The following CCNJ variants were observed in gnomAD, a reference collection of about 807,000 sequenced individuals.
The protein encoded by CCNJ is cyclin-J.
A neutral mutation model predicts 41.4 loss-of-function variants in CCNJ; 12 were observed. The ratio of observed to expected loss-of-function variants is 0.29; its 90% CI spans 0.19 to 0.47. The LOEUF is 0.47. Ranked by LOEUF, CCNJ falls within the 20% of genes least tolerant of loss-of-function variation. The pLI is 1.00. For missense variants in CCNJ, 340 were observed against 464.6 expected (o/e 0.73, Z 2.47); for synonymous variants, 161 against 173.4 (o/e 0.93, Z 0.56).
rs1424546813 is a variant in CCNJ, at chr10:96,058,774, G to C, written c.*533G>C. On this transcript the variant is annotated 3_prime_UTR_variant, in exon 6 of 6. Transcript: ENST00000465148. ...ATGAATTGTTATGCTATACCAATCT[G>C]CAGTAAAAAAAATTTTTTTAGATGA... The C allele has an allele frequency of 3.1e-6, 1 of 323,742 alleles. No homozygotes were observed. Among genetic ancestry groups the C allele is most frequent in the Non-Finnish European group, 5.6e-6 (1 of 180,160 alleles). The allele number at this position is 323,742 out of a possible 1,614,324, so 20.1% of individuals were successfully genotyped here. A position where few individuals can be genotyped will look rare whatever the true frequency, so the allele number is the denominator to read the frequency against.
chr10:96,049,091 G>GGTTTT (rs372962844), intron 2 of CCNJ, among the ~76,000 whole-genome samples: 18 of 152,218 alleles, frequency 1.2e-4, no homozygotes, highest in East Asian at 9.6e-4. Context: ...ATGATTATCT[G>GGTTTT]GTTTTGTTTT....
upstream of CCNJ, chr10:96,043,269 A>C: frequency 4.1e-6 from 1 of 241,008 alleles, no homozygotes. Context: ...CACTGCAGTG[A>C]TCCACCTTAC....
chr10:96,051,055 A>G (rs938672341), intron 3 of CCNJ, among the ~76,000 whole-genome samples: 2 of 152,252 alleles, frequency 1.3e-5, no homozygotes, highest in Non-Finnish European at 2.9e-5. Context: ...ATATTCTTAT[A>G]TTAGAATACT....
At position 96,056,900 on chromosome 10, in the gene CCNJ, C is replaced by G. The variant is rs748980326; in HGVS notation, c.480C>G (p.His160Gln). Residue 160 changes from histidine (H) to glutamine (Q), a missense_variant, in exon 4 of 6, where the codon CAC (histidine) becomes CAG (glutamine). This residue lies in a region of CCNJ where 137 missense variants were observed against 252.9 expected (regional missense o/e 0.54). Coordinates refer to ENST00000465148, the MANE Select transcript of CCNJ (RefSeq NM_001134375.2). ...FIEYYLSEAV[H>Q]ETDLHDGWPM... ...AGTATTATCTCTCTGAAGCAGTACA[C>G]GAAACAGATCTTCATGACGGCTGGC... 2 of 1,614,078 alleles carry G rather than the reference C, an allele frequency of 1.2e-6. No individual in the cohort carries two copies. Among genetic ancestry groups the G allele is most frequent in the African/African-American group, 1.3e-5 (1 of 75,030 alleles).
rs748400797 is a variant in CCNJ, at chr10:96,058,034, A to G, written c.945A>G (p.Val315=). The G allele has an allele frequency of 3.1e-6, 5 of 1,614,172 alleles. No homozygotes were observed. The highest frequency in any genetic ancestry group is 1.1e-5 in the South Asian group (1 of 91,080). ...TSEQPSCQQI[V]STTHTSSYTL... ...AACAACCAAGCTGTCAGCAGATTGT[A>G]TCGACCACACACACCTCATCTTACA... The change falls in exon 6 of 6, where the codon GTA becomes GTG. Residue 315 remains valine, a synonymous_variant. Transcript: ENST00000465148.
rs562491971 is a variant in CCNJ at position 96,048,748 on chromosome 10, GTATAT to G, written c.70-1503_70-1499del. On this transcript the variant is annotated intron_variant, in intron 2 of 5. Coordinates refer to ENST00000465148, the MANE Select transcript of CCNJ (RefSeq NM_001134375.2). ...ACTGTCTCCAAGGTTCAACCATGTAGTATATTATAAGAATTTTCTAAGGCTGAATA... is the reference window on the plus strand; with the variant it reads ...ACTGTCTCCAAGGTTCAACCATGTAGTATAAGAATTTTCTAAGGCTGAATA... Among the ~76,000 whole-genome samples, 333 of 152,306 alleles carry G rather than the reference GTATAT, an allele frequency of 2.2e-3. 1 individual carries two copies. Among genetic ancestry groups the G allele is most frequent in the African/African-American group, 7.8e-3 (324 of 41,560 alleles).
intron 3 of CCNJ, 85 bp downstream of exon 3, chr10:96,050,551 A>G (rs1330818511): frequency 6.3e-6 from 6 of 956,868 alleles, no homozygotes; most frequent in African/African-American, 5.0e-5. Context: ...GTGAAATATC[A>G]TCAAATCCCA....
chr10:96,050,560 C>T (rs2080492905), intron 3 of CCNJ, 94 bp downstream of exon 3: 1 of 892,828 alleles, frequency 1.1e-6, no homozygotes, highest in Non-Finnish European at 1.8e-6. Flanking sequence ...CATCAAATCC[C>T]ATTCATTCCA....
chr10:96,051,181 C>A (rs748859961), intron 3 of CCNJ, among the ~76,000 whole-genome samples: 3 of 152,216 alleles, frequency 2.0e-5, no homozygotes, highest in Non-Finnish European at 2.9e-5. Context: ...CTCCAAGATA[C>A]AATCTGATAC....
At chr10:96,048,166 A>G (rs2080417391) in intron 2 of CCNJ, among the ~76,000 whole-genome samples, 1 of 152,046 alleles carries the variant, frequency 6.6e-6, no homozygotes, top group South Asian at 2.1e-4. Flanking sequence ...TATGTACCAC[A>G]TTTTATCCAG....
At chr10:96,048,101 C>T (rs1344264203) in intron 2 of CCNJ, among the ~76,000 whole-genome samples, 1 of 152,196 alleles carries the variant, frequency 6.6e-6, no homozygotes, top group Non-Finnish European at 1.5e-5. Context: ...ATCCATCTCT[C>T]TGCAAAGGAC....
In CCNJ at chr10:96,060,002, ACACT is replaced by A. The variant is rs1288879644; in HGVS notation, c.*1768_*1771del. On this transcript the variant is annotated 3_prime_UTR_variant, in exon 6 of 6. Coordinates refer to ENST00000465148, the MANE Select transcript of CCNJ (RefSeq NM_001134375.2). The stretch of plus-strand genomic sequence containing the variant: ...AAAATGAAAAACCACTCAGGTAAGA[ACACT>A]CACTCATGGCAGTTTTTAAGCATGA... 6.6e-6 allele frequency: 1 copy of A among 152,664 alleles called. No individual in the cohort carries two copies. The allele number at this position is 152,664 out of a possible 1,614,324, so 9.5% of individuals were successfully genotyped here.
rs1314542380 is a variant in CCNJ at position 96,058,872 on chromosome 10, C to G, written c.*631C>G. On this transcript the variant is annotated 3_prime_UTR_variant, in exon 6 of 6. Coordinates refer to ENST00000465148, the MANE Select transcript of CCNJ (RefSeq NM_001134375.2). ...TACTAAAATTAAGGGTGGAGAAGAT[C>G]TTATTTTTTAAATCATGGTCATAAT... 1 of 175,758 alleles carries G rather than the reference C, an allele frequency of 5.7e-6. No individual in the cohort carries two copies. The highest frequency in any genetic ancestry group is 2.4e-5 in the African/African-American group (1 of 42,416). 10.9% of individuals were successfully genotyped at this position (175,758 alleles called of 1,614,324 possible).
chr10:96,057,049 G>T (rs750048945), intron 4 of CCNJ, 39 bp from the exon 5 acceptor site: 3 of 1,613,416 alleles, frequency 1.9e-6, no homozygotes, highest in Non-Finnish European at 2.5e-6. Flanking sequence ...TGTGACTCGT[G>T]TATTCTGTTC....
chr10:96,049,724 A>G (rs576933081), intron 2 of CCNJ, among the ~76,000 whole-genome samples: 1 of 152,232 alleles, frequency 6.6e-6, no homozygotes, highest in South Asian at 2.1e-4. Context: ...TTTTAGGTGT[A>G]TGAGAGGATG....
chr10:96,045,317 G>A (rs915506), intron 2 of CCNJ, among the ~76,000 whole-genome samples: 46,095 of 152,048 alleles, frequency 0.3, 7,756 homozygotes, highest in East Asian at 0.52. Context: ...CTTGGATAAA[G>A]AAAGCCATTT....
chr10:96,043,513 A>G (rs1235403192), upstream of CCNJ: 1 of 391,690 alleles, frequency 2.6e-6, no homozygotes, highest in Non-Finnish European at 4.5e-6. Context: ...TCGCGAGACG[A>G]GATTGGCAGC....
Position 96,060,585 on chromosome 10 carries a change from GGTTTT to G in CCNJ, c.*2354_*2358del, listed in dbSNP as rs1195777233. On this transcript the variant is annotated 3_prime_UTR_variant, in exon 6 of 6. Transcript: ENST00000465148. The stretch of plus-strand genomic sequence containing the variant: ...TTGGGGGGTGGGGGAACATTGTGTG[GGTTTT>G]GTTTTGTTTAATTTATTGATTAGTC... 1 of 151,368 alleles carries G rather than the reference GGTTTT, an allele frequency of 6.6e-6. No individual in the cohort carries two copies. Among genetic ancestry groups the G allele is most frequent in the East Asian group, 1.9e-4 (1 of 5,134 alleles). The allele number at this position is 151,368 out of a possible 1,614,324, so 9.4% of individuals were successfully genotyped here.
upstream of CCNJ, chr10:96,043,283 T>G (rs1054356433): frequency 7.6e-6 from 2 of 264,588 alleles, no homozygotes; most frequent in African/African-American, 4.5e-5. Flanking sequence ...ACCTTACAAT[T>G]TCTCCGGCGC....
Sources: allele counts gnomAD v4.1 joint callset (sites outside exome capture counted in the v4.1 genomes callset), GRCh38; gene constraint gnomAD v4.1.1; regional missense constraint gnomAD v4.1.1; transcripts MANE v1.5; gene names NCBI Gene and HGNC (gene_info 2026-07-23, HGNC 2026-07-21).